NAV2: variants seen among roughly 807,000 people sequenced by gnomAD.
NAV2 encodes neuron navigator 2.
In NAV2, 54 loss-of-function variants were observed where a neutral mutation model predicts 223.2. The observed-to-expected ratio is 0.24, with a 90% CI of 0.19 to 0.30. The LOEUF is 0.30. Among genes scored for constraint, NAV2 ranks in the 10% least tolerant of loss-of-function variants. The probability of loss-of-function intolerance (pLI) is 1.00; values close to 1 mark genes in which losing one functional copy is unlikely to be tolerated. For synonymous variants in NAV2, 1,279 were observed against 1,239.3 expected, an observed-to-expected ratio of 1.03 and a Z score of -0.67; for missense variants, 2,806 against 3,147.5, an observed-to-expected ratio of 0.89 and a Z score of 2.60.
chr11:19,988,411 C>T (rs530498605), intron 11 of NAV2, among the ~76,000 whole-genome samples: 2 of 141,890 alleles, frequency 1.4e-5, no homozygotes, highest in East Asian at 2.0e-4. Context: ...GGCGATAAGG[C>T]CATATTACTT....
chr11:20,042,667 T>C (rs1217771181), intron 12 of NAV2, among the ~76,000 whole-genome samples: 1 of 152,142 alleles, frequency 6.6e-6, no homozygotes, highest in Non-Finnish European at 1.5e-5. Context: ...AGGAAGGCAT[T>C]TCTTCCACTC....
At chr11:20,027,244 A>G in intron 11 of NAV2, 2 of 985,054 alleles carry the variant, frequency 2.0e-6, no homozygotes, top group Non-Finnish European at 2.4e-6. Flanking sequence ...AGGGGTTACT[A>G]CTAAGCCTAC....
chr11:19,471,088 A>G (rs1728597941), intron 1 of NAV2, among the ~76,000 whole-genome samples: 1 of 152,202 alleles, frequency 6.6e-6, no homozygotes, highest in Non-Finnish European at 1.5e-5. Context: ...GCAGTATTCC[A>G]GCACTTTCAT....
chr11:19,429,910 C>G (rs1457935970), intron 1 of NAV2, among the ~76,000 whole-genome samples: 1 of 152,198 alleles, frequency 6.6e-6, no homozygotes. Flanking sequence ...GGAGAAACAT[C>G]ATTTCCAGTC....
chr11:19,623,672 TTTTTTCAAGG>T (rs1438255182), intron 1 of NAV2, among the ~76,000 whole-genome samples: 1 of 152,216 alleles, frequency 6.6e-6, no homozygotes, highest in Non-Finnish European at 1.5e-5. Context: ...TCGTCTAATC[TTTTTTCAAGG>T]TTTTTAGCTT....
At chr11:19,625,535 A>G (rs748574150) in intron 1 of NAV2, among the ~76,000 whole-genome samples, 1 of 152,184 alleles carries the variant, frequency 6.6e-6, no homozygotes, top group Admixed American at 6.5e-5. Flanking sequence ...TATTTATTCA[A>G]TATACTAATT....
At chr11:19,631,967 C>G (rs1035858558) in intron 1 of NAV2, among the ~76,000 whole-genome samples, 2 of 152,254 alleles carry the variant, frequency 1.3e-5, no homozygotes, top group African/African-American at 2.4e-5. Flanking sequence ...CTTTCACCAG[C>G]CTCATTGTTT....
At chr11:19,435,602 G>T (rs1332552509) in intron 1 of NAV2, among the ~76,000 whole-genome samples, 1 of 152,128 alleles carries the variant, frequency 6.6e-6, no homozygotes, top group East Asian at 1.9e-4. Flanking sequence ...GAAGTGGATT[G>T]CTGGGTCATG....
At chr11:19,675,658 A>C (rs147495307) in intron 1 of NAV2, among the ~76,000 whole-genome samples, 2 of 152,312 alleles carry the variant, frequency 1.3e-5, no homozygotes, top group Non-Finnish European at 2.9e-5. Flanking sequence ...CTATGCGCCA[A>C]TAAATCAGGG....
chr11:19,440,453 G>A (rs141352952), intron 1 of NAV2, among the ~76,000 whole-genome samples: 22 of 152,256 alleles, frequency 1.4e-4, no homozygotes, highest in African/African-American at 2.9e-4. Flanking sequence ...TGCTGGGGTC[G>A]GTATGGTTGG....
chr11:19,524,163 C>T (rs2043770624), intron 1 of NAV2, among the ~76,000 whole-genome samples: 1 of 152,170 alleles, frequency 6.6e-6, no homozygotes, highest in South Asian at 2.1e-4. Context: ...CTCTGGAGCC[C>T]TGGCATTTGA....
chr11:19,800,005 AG>A, intron 1 of NAV2, among the ~76,000 whole-genome samples: 1 of 152,344 alleles, frequency 6.6e-6, no homozygotes, highest in East Asian at 1.9e-4. Context: ...AAACTTGAAT[AG>A]GAAAATGCAT....
chr11:19,609,020 G>T (rs577371454), intron 1 of NAV2, among the ~76,000 whole-genome samples: 6 of 152,294 alleles, frequency 3.9e-5, no homozygotes, highest in African/African-American at 1.4e-4. Flanking sequence ...GGTCCCTTGT[G>T]ATTACACTGG....
intron 1 of NAV2, among the ~76,000 whole-genome samples, chr11:19,464,332 T>C (rs1852272038): frequency 6.6e-6 from 1 of 152,214 alleles, no homozygotes; most frequent in South Asian, 2.1e-4. Context: ...TGGGGGTCAT[T>C]GGCTTTGAAT....
chr11:19,918,613 G>C (rs2044007194), intron 6 of NAV2, among the ~76,000 whole-genome samples: 1 of 152,192 alleles, frequency 6.6e-6, no homozygotes, highest in Non-Finnish European at 1.5e-5. Context: ...TGGAATTCCT[G>C]GTTATGATTA....
chr11:19,860,849 C>T (rs1442091562), intron 3 of NAV2, among the ~76,000 whole-genome samples: 10 of 145,806 alleles, frequency 6.9e-5, no homozygotes, highest in Non-Finnish European at 1.5e-4. Flanking sequence ...GCCAACACAG[C>T]GAAACCCCGT....
chr11:19,488,252 T>A (rs2042511310), intron 1 of NAV2, among the ~76,000 whole-genome samples: 1 of 152,180 alleles, frequency 6.6e-6, no homozygotes, highest in African/African-American at 2.4e-5. Flanking sequence ...ATCCGTTGAT[T>A]GAAAAGATGC....
intron 1 of NAV2, among the ~76,000 whole-genome samples, chr11:19,483,381 T>C (rs535645738): frequency 6.6e-6 from 1 of 152,226 alleles, no homozygotes; most frequent in Non-Finnish European, 1.5e-5. Context: ...ATCTTAGTTA[T>C]CACGTTAACT....
intron 8 of NAV2, among the ~76,000 whole-genome samples, chr11:19,940,339 C>T (rs1433660458): frequency 6.6e-6 from 1 of 152,174 alleles, no homozygotes; most frequent in Non-Finnish European, 1.5e-5. Flanking sequence ...ATAAAATCCA[C>T]AGTCGTTGTA....
Sources: gnomAD v4.1 joint callset for allele counts (sites outside exome capture counted in the v4.1 genomes callset) on GRCh38, gnomAD v4.1.1 for gene constraint, MANE v1.5 for transcripts, NCBI Gene and HGNC (gene_info 2026-07-23, HGNC 2026-07-21) for gene names.